Variants in SSH2 observed in about 807,000 individuals in gnomAD.
The protein encoded by SSH2 is slingshot protein phosphatase 2.
Under a neutral mutation model 135.2 loss-of-function variants are expected in SSH2, and 37 were observed. That is an observed-to-expected ratio of 0.27 (90% CI 0.21 to 0.36). The LOEUF is 0.36. Among genes scored for constraint, SSH2 ranks in the 10% least tolerant of loss-of-function variants. The pLI, the probability that SSH2 is intolerant of heterozygous loss-of-function variation, is 1.00. For synonymous variants in SSH2, 628 were observed against 646.2 expected, an observed-to-expected ratio of 0.97 and a Z score of 0.43; for missense variants, 1,408 against 1,765.3, an observed-to-expected ratio of 0.80 and a Z score of 3.63.
At chr17:29,679,547 C>T (rs1473969275) in intron 6 of SSH2, among the ~76,000 whole-genome samples, 9 of 152,152 alleles carry the variant, frequency 5.9e-5, no homozygotes, top group East Asian at 1.9e-4. Flanking sequence ...GCTGGGATTA[C>T]AGGCATGCAC....
At chr17:29,725,325 C>T (rs1233236790) in intron 3 of SSH2, among the ~76,000 whole-genome samples, 2 of 105,622 alleles carry the variant, frequency 1.9e-5, no homozygotes, top group Admixed American at 1.5e-4. Flanking sequence ...CCAGCCTGGG[C>T]GACACAGCAA....
At chr17:29,879,964 G>T (rs140899709) in intron 1 of SSH2, among the ~76,000 whole-genome samples, 1 of 152,238 alleles carries the variant, frequency 6.6e-6, no homozygotes, top group African/African-American at 2.4e-5. Flanking sequence ...GTTATATTTT[G>T]CTCATGAGAC....
intron 11 of SSH2, among the ~76,000 whole-genome samples, chr17:29,658,205 T>C (rs2036871567): frequency 6.6e-6 from 1 of 151,938 alleles, no homozygotes; most frequent in African/African-American, 2.4e-5. Context: ...GGTTTCTCCA[T>C]GTTGGTCAGG....
chr17:29,830,091 G>A (rs764045974), intron 2 of SSH2, among the ~76,000 whole-genome samples: 8 of 151,934 alleles, frequency 5.3e-5, no homozygotes, highest in Non-Finnish European at 1.0e-4. Context: ...CTTCCGCCTC[G>A]GCCTCCCAAA....
intron 5 of SSH2, among the ~76,000 whole-genome samples, chr17:29,689,045 C>A (rs939980693): frequency 1.3e-5 from 2 of 151,956 alleles, no homozygotes; most frequent in Admixed American, 6.6e-5. Context: ...ATAATCCCAG[C>A]TACTCAGGAG....
At chr17:29,732,738 A>G (rs533873370) in intron 3 of SSH2, among the ~76,000 whole-genome samples, 129 of 152,292 alleles carry the variant, frequency 8.5e-4, no homozygotes, top group Non-Finnish European at 9.4e-4. Flanking sequence ...ACCTCAGCTG[A>G]GGGGAAAAGA....
rs747051012 is a variant in SSH2, at chr17:29,632,773, T to C, written c.2421A>G (p.Pro807=). The change falls in exon 16 of 16, where the codon CCA becomes CCG. Residue 807 remains proline (P), a synonymous_variant. Transcript: ENST00000540801. ...GDILPNPCHT[P]KKNSIHELLL... ...GCAGCTCATGGATGCTGTTCTTCTTTGGTGTATGGCATGGGTTGGGTAAGA... is the reference window on the plus strand; with the variant it reads ...GCAGCTCATGGATGCTGTTCTTCTTCGGTGTATGGCATGGGTTGGGTAAGA... 6.2e-6 allele frequency: 10 copies of C among 1,614,066 alleles called. No individual in the cohort carries two copies. In the East Asian group the frequency reaches 1.8e-4, roughly 29 times the overall value.
At chr17:29,862,455 C>A (rs1832247697) in intron 1 of SSH2, among the ~76,000 whole-genome samples, 1 of 152,166 alleles carries the variant, frequency 6.6e-6, no homozygotes, top group South Asian at 2.1e-4. Context: ...AAGTTATAAT[C>A]TTTGTATGTA....
intron 1 of SSH2, among the ~76,000 whole-genome samples, chr17:29,907,818 CTTT>C (rs201612892): frequency 2.3e-4 from 30 of 131,964 alleles, no homozygotes; most frequent in Admixed American, 5.5e-4. Context: ...CTGACAAAAC[CTTT>C]TTTTTTTTTT....
chr17:29,913,347 A>AAAATTAT lies in SSH2; in HGVS notation c.63+16590_63+16591insATAATTT. 2.1e-4 allele frequency among the ~76,000 whole-genome samples: 6 copies of AAAATTAT among 28,786 alleles called. 1 individual carries two copies. The highest frequency in any genetic ancestry group is 2.6e-3 in the South Asian group (1 of 386). 18.9% of individuals were successfully genotyped at this position (28,786 alleles called of 152,430 possible). Reference sequence around the variant, plus strand: ...AAAAAAAAAAAAAAAAAAAAAAAAAAATATATATATATATATATATATATA... The same window carrying AAAATTAT: ...AAAAAAAAAAAAAAAAAAAAAAAAAAAAATTATATATATATATATATATATATATATA... On this transcript the variant is annotated intron_variant, in intron 1 of 15. Transcript: ENST00000540801.
intron 1 of SSH2, among the ~76,000 whole-genome samples, chr17:29,923,773 G>A (rs1261496473): frequency 6.6e-6 from 1 of 152,056 alleles, no homozygotes; most frequent in Admixed American, 6.6e-5. Context: ...AGGCGTGGTG[G>A]TGCACGTCTG....
intron 3 of SSH2, among the ~76,000 whole-genome samples, chr17:29,719,377 T>C (rs569213509): frequency 2.6e-5 from 4 of 152,068 alleles, no homozygotes; most frequent in Non-Finnish European, 5.9e-5. Context: ...CCCGGTGTGG[T>C]GGCTCACGCC....
chr17:29,808,490 A>G (rs2467334), intron 2 of SSH2, among the ~76,000 whole-genome samples: 1 of 151,988 alleles, frequency 6.6e-6, no homozygotes, highest in African/African-American at 2.4e-5. Flanking sequence ...AGTCTGGCTC[A>G]GCTGACAGCC....
intron 1 of SSH2, among the ~76,000 whole-genome samples, chr17:29,871,698 A>G (rs1567621844): frequency 1.3e-5 from 2 of 152,236 alleles, no homozygotes; most frequent in African/African-American, 2.4e-5. Flanking sequence ...ACTGGCAAAG[A>G]TAAGAGATTA....
intron 2 of SSH2, among the ~76,000 whole-genome samples, chr17:29,843,311 G>C (rs956693765): frequency 2.0e-5 from 3 of 152,182 alleles, no homozygotes; most frequent in East Asian, 3.9e-4. Flanking sequence ...GAGGTGGGCA[G>C]ATCACTTAAG....
Position 29,705,494 on chromosome 17 carries a change from C to G in SSH2, c.189-2432G>C, listed in dbSNP as rs142195556. On this transcript the variant is annotated intron_variant, in intron 3 of 15. Coordinates refer to ENST00000540801, the MANE Select transcript of SSH2 (RefSeq NM_001282129.2). ...ACTTCTTAACAGGTCTATCTGCAACCACTTCTGCCCTCGATTATCTATCTA... is the reference window on the plus strand; with the variant it reads ...ACTTCTTAACAGGTCTATCTGCAACGACTTCTGCCCTCGATTATCTATCTA... Among the ~76,000 whole-genome samples, 111 of 152,304 alleles carry G rather than the reference C, an allele frequency of 7.3e-4. 1 individual carries two copies. Among genetic ancestry groups the G allele is most frequent in the African/African-American group, 2.4e-3 (100 of 41,562 alleles).
Position 29,632,878 on chromosome 17 carries a change from AT to A in SSH2, c.2315del (p.Asn772MetfsTer24). On this transcript the variant is annotated frameshift_variant, in exon 16 of 16. Transcript: ENST00000540801. LOFTEE classifies it high-confidence loss of function. ...PDIFMQSHSE[N>X]AISVKEIVTE... is the part of the protein sequence containing the mutation. ...TGACAATTTCTTTGACTGAAATTGC[AT>A]TTTCCGAGTGAGACTGCATGAAGAT... 6.2e-7 allele frequency: 1 copy of A among 1,614,004 alleles called. No homozygotes were observed. The highest frequency in any genetic ancestry group is 8.5e-7 in the Non-Finnish European group (1 of 1,179,954).
intron 4 of SSH2, among the ~76,000 whole-genome samples, chr17:29,699,727 A>G (rs941177205): frequency 3.3e-5 from 5 of 152,168 alleles, no homozygotes; most frequent in Admixed American, 3.3e-4. Context: ...CTGGATTTAA[A>G]CCAATAATTT....
intron 5 of SSH2, among the ~76,000 whole-genome samples, chr17:29,685,650 G>C (rs1263957611): frequency 2.0e-5 from 3 of 151,628 alleles, no homozygotes; most frequent in African/African-American, 7.3e-5. Context: ...TTAGCTGGGC[G>C]TGGTGGCGCA....
Sources: allele counts gnomAD v4.1 joint callset (sites outside exome capture counted in the v4.1 genomes callset), GRCh38; gene constraint gnomAD v4.1.1; transcripts MANE v1.5; gene names NCBI Gene and HGNC (gene_info 2026-07-23, HGNC 2026-07-21).